Variants in KLHL7 observed in about 807,000 individuals in gnomAD.
The protein encoded by KLHL7 is kelch-like protein 7.
Under a neutral mutation model 67.4 loss-of-function variants are expected in KLHL7, and 44 were observed. The ratio of observed to expected loss-of-function variants is 0.65; its 90% CI spans 0.51 to 0.84. The LOEUF (loss-of-function observed/expected upper bound fraction) is 0.84, where lower values mean the gene tolerates loss of function less well. KLHL7 is among the 40% of genes least tolerant of loss of function. The pLI is 0.00. For missense variants in KLHL7, 362 were observed against 718.1 expected (o/e 0.50, Z 5.67); for synonymous variants, 252 against 243.3 (o/e 1.04, Z -0.33).
intron 9 of KLHL7, chr7:23,172,034 G>T (rs1785179638): frequency 2.5e-6 from 1 of 400,992 alleles, no homozygotes; most frequent in Non-Finnish European, 4.9e-6. Context: ...TTAAAGAAGA[G>T]ATATAAACAA....
intron 1 of KLHL7, among the ~76,000 whole-genome samples, chr7:23,116,658 A>G (rs1395343656): frequency 6.6e-6 from 1 of 152,206 alleles, no homozygotes. Flanking sequence ...CTAGTGGAAA[A>G]TAAGAGAGCA....
intron 5 of KLHL7, 152 bp downstream of exon 5, chr7:23,141,096 C>A: frequency 1.3e-6 from 1 of 758,190 alleles, no homozygotes; most frequent in Non-Finnish European, 2.2e-6. Context: ...TAGGTGCTTG[C>A]CAGGCTGGCT....
chr7:23,125,985 T>A, intron 4 of KLHL7: 1 of 785,968 alleles, frequency 1.3e-6, no homozygotes, highest in South Asian at 1.5e-5. Flanking sequence ...TGATGAAGTT[T>A]AATTTCTAAA....
intron 4 of KLHL7, 190 bp from the exon 5 acceptor site, chr7:23,140,578 CA>C (rs5882887): frequency 6.8e-4 from 413 of 605,108 alleles, no homozygotes; most frequent in Middle Eastern, 1.3e-3. Flanking sequence ...AAACAAAAAA[CA>C]AAAAAAAAAC....
chr7:23,153,148 A>G (rs148881491), intron 7 of KLHL7, among the ~76,000 whole-genome samples: 1 of 152,354 alleles, frequency 6.6e-6, no homozygotes, highest in African/African-American at 2.4e-5. Flanking sequence ...AATGGACAAT[A>G]AAATGAACTG....
Position 23,137,771 on chromosome 7 carries a change from G to A in KLHL7, c.443-2998G>A, listed in dbSNP as rs746628037. The stretch of plus-strand genomic sequence containing the variant: ...TGGGGTTACAGGCATGAGCCACCAC[G>A]CCTGGCCAGGTTTTATGCTTTTTAA... On this transcript the variant is annotated intron_variant, in intron 4 of 10. Transcript: ENST00000339077. Among the ~76,000 whole-genome samples the A allele has an allele frequency of 1.3e-4, 19 of 149,450 alleles. 1 individual carries two copies. Among genetic ancestry groups the A allele is most frequent in the Admixed American group, 8.0e-4 (12 of 15,002 alleles).
At chr7:23,149,325 G>C (rs997331109) in intron 6 of KLHL7, among the ~76,000 whole-genome samples, 1 of 152,156 alleles carries the variant, frequency 6.6e-6, no homozygotes, top group African/African-American at 2.4e-5. Context: ...ATTAGTGAAA[G>C]AGCCAAAGGC....
At chr7:23,158,438 G>A (rs1784768951) in intron 7 of KLHL7, among the ~76,000 whole-genome samples, 1 of 152,102 alleles carries the variant, frequency 6.6e-6, no homozygotes, top group African/African-American at 2.4e-5. Context: ...TTGTTCATAT[G>A]TTGACCCAGA....
intron 7 of KLHL7, among the ~76,000 whole-genome samples, chr7:23,154,194 A>G (rs1040741297): frequency 3.9e-5 from 6 of 152,152 alleles, no homozygotes; most frequent in African/African-American, 1.4e-4. Flanking sequence ...TCTCTACTAA[A>G]AATACAAAAA....
At chr7:23,169,038 A>G (rs182628378) in intron 9 of KLHL7, among the ~76,000 whole-genome samples, 2 of 152,318 alleles carry the variant, frequency 1.3e-5, no homozygotes, top group Non-Finnish European at 2.9e-5. Flanking sequence ...AGGCAGGCAG[A>G]TCACTTGAGG....
At chr7:23,106,444 A>T in intron 1 of KLHL7, 1 of 1,243,068 alleles carries the variant, frequency 8.0e-7, no homozygotes, top group Non-Finnish European at 1.0e-6. Flanking sequence ...TGCCCTAGTT[A>T]TCTCTTTGTG....
chr7:23,124,642 C>A, intron 2 of KLHL7, 46 bp from the exon 3 acceptor site: 1 of 1,167,542 alleles, frequency 8.6e-7, no homozygotes. Context: ...CTCAGTCAAA[C>A]TTGTGGTAGT....
chr7:23,168,010 G>A lies in KLHL7; in HGVS notation c.1352G>A (p.Cys451Tyr), dbSNP rs1236875413. 6.2e-7 allele frequency: 1 copy of A among 1,614,066 alleles called. No homozygotes were observed. Among genetic ancestry groups the A allele is most frequent in the African/African-American group, 1.3e-5 (1 of 74,940 alleles). The change falls in exon 9 of 11, where the codon TGT becomes TAT. Residue 451 changes from cysteine to tyrosine, a missense_variant. By Grantham distance (194) the Cys-to-Tyr change is radical. This residue lies in a region of KLHL7 where 136 missense variants were observed against 252.7 expected (regional missense o/e 0.54). Coordinates refer to ENST00000339077, the MANE Select transcript of KLHL7 (RefSeq NM_001031710.3). ...NNVSGRVLNS[C>Y]EVYDPATETW... ...GTTTCTGGGAGAGTGCTTAATTCCT[G>A]TGAAGTTTATGATCCTGCCACAGAA...
chr7:23,173,790 G>GA (rs1249885952), intron 10 of KLHL7, among the ~76,000 whole-genome samples: 2 of 152,042 alleles, frequency 1.3e-5, no homozygotes, highest in Non-Finnish European at 2.9e-5. Flanking sequence ...TAATTTTGTA[G>GA]AAAAAAATCA....
At chr7:23,106,375 A>G in intron 1 of KLHL7, 2 of 1,372,950 alleles carry the variant, frequency 1.5e-6, no homozygotes, top group Non-Finnish European at 1.9e-6. Flanking sequence ...CCCAAGTCAG[A>G]CTCCTGGGGG....
intron 1 of KLHL7, among the ~76,000 whole-genome samples, chr7:23,113,995 A>C (rs1782986596): frequency 6.6e-6 from 1 of 152,228 alleles, no homozygotes; most frequent in South Asian, 2.1e-4. Flanking sequence ...GAATGTAAGA[A>C]GCTGAAAGGA....
chr7:23,117,081 CTTTT>C (rs34692665), intron 1 of KLHL7, among the ~76,000 whole-genome samples: 3 of 68,218 alleles, frequency 4.4e-5, no homozygotes, highest in African/African-American at 5.8e-5. Flanking sequence ...AGAGCCAGGC[CTTTT>C]TTTTTTTTTT....
At chr7:23,127,608 A>G (rs1246402834) in intron 4 of KLHL7, among the ~76,000 whole-genome samples, 1 of 152,114 alleles carries the variant, frequency 6.6e-6, no homozygotes, top group Non-Finnish European at 1.5e-5. Context: ...CACAAATGCT[A>G]AAGGAACCGG....
At chr7:23,153,629 C>T (rs184017728) in intron 7 of KLHL7, among the ~76,000 whole-genome samples, 1 of 152,128 alleles carries the variant, frequency 6.6e-6, no homozygotes, top group Non-Finnish European at 1.5e-5. Flanking sequence ...AAGAATGATA[C>T]CTGCATAAAG....
Sources: allele counts gnomAD v4.1 joint callset (sites outside exome capture counted in the v4.1 genomes callset), GRCh38; gene constraint gnomAD v4.1.1; regional missense constraint gnomAD v4.1.1; transcripts MANE v1.5; gene names NCBI Gene and HGNC (gene_info 2026-07-23, HGNC 2026-07-21).